CAMTA1: variants seen among roughly 807,000 people sequenced by gnomAD.
CAMTA1 encodes the protein calmodulin binding transcription activator 1, also known as calmodulin-binding transcription activator 1.
A neutral mutation model predicts 170.9 loss-of-function variants in CAMTA1; 27 were observed. The ratio of observed to expected loss-of-function variants is 0.16; its 90% confidence interval spans 0.12 to 0.22. CAMTA1 has a LOEUF of 0.22. Among genes scored for constraint, CAMTA1 ranks in the 10% least tolerant of loss-of-function variants. The pLI is 1.00. For missense variants in CAMTA1, 1,619 were observed against 2,217.2 expected, an observed-to-expected ratio of 0.73 and a Z score of 5.42; for synonymous variants, 833 against 891.5, an observed-to-expected ratio of 0.93 and a Z score of 1.17.
At chr1:6,946,765 G>A (rs1283540987) in intron 3 of CAMTA1, among the ~76,000 whole-genome samples, 1 of 151,564 alleles carries the variant, frequency 6.6e-6, no homozygotes, top group Non-Finnish European at 1.5e-5. Context: ...TCTATGGGTT[G>A]TCTTTTCACT....
intron 4 of CAMTA1, among the ~76,000 whole-genome samples, chr1:7,174,508 T>C (rs970909501): frequency 3.9e-5 from 6 of 152,244 alleles, no homozygotes; most frequent in Non-Finnish European, 7.3e-5. Flanking sequence ...GAAACAGCTC[T>C]GGCATGACTG....
intron 5 of CAMTA1, among the ~76,000 whole-genome samples, chr1:7,276,205 T>G (rs1179328568): frequency 7.3e-6 from 1 of 136,766 alleles, no homozygotes; most frequent in Non-Finnish European, 1.5e-5. Flanking sequence ...AAAAAAAACC[T>G]TTCAGCAAAC....
At chr1:7,554,576 T>C (rs545730769) in intron 6 of CAMTA1, among the ~76,000 whole-genome samples, 2 of 152,308 alleles carry the variant, frequency 1.3e-5, no homozygotes, top group African/African-American at 4.8e-5. Context: ...AGTAATTTGC[T>C]ATCCCTGCTC....
At chr1:7,678,126 C>T (rs775158670) in intron 11 of CAMTA1, among the ~76,000 whole-genome samples, 13 of 152,132 alleles carry the variant, frequency 8.5e-5, no homozygotes, top group Non-Finnish European at 1.6e-4. Flanking sequence ...TCCGCGGGCT[C>T]CTGGAAGCAA....
intron 3 of CAMTA1, among the ~76,000 whole-genome samples, chr1:7,011,939 A>G (rs947131088): frequency 1.4e-4 from 22 of 152,002 alleles, no homozygotes; most frequent in Middle Eastern, 3.4e-3. Flanking sequence ...CACTCCTCCA[A>G]TTTCCCCTGA....
intron 6 of CAMTA1, among the ~76,000 whole-genome samples, chr1:7,599,272 G>A (rs554540972): frequency 6.6e-6 from 1 of 152,282 alleles, no homozygotes; most frequent in African/African-American, 2.4e-5. Flanking sequence ...TTATTTCTGA[G>A]GGCTCTGTTC....
chr1:7,659,070 A>G (rs1377573854), intron 7 of CAMTA1, among the ~76,000 whole-genome samples: 1 of 152,212 alleles, frequency 6.6e-6, no homozygotes, highest in African/African-American at 2.4e-5. Context: ...GTGAAGATGC[A>G]GGAGGCAGAG....
intron 3 of CAMTA1, among the ~76,000 whole-genome samples, chr1:6,857,247 G>C (rs1367997065): frequency 6.6e-6 from 1 of 152,154 alleles, no homozygotes; most frequent in African/African-American, 2.4e-5. Context: ...GATGGGGTTT[G>C]GAAATAGAGT....
At chr1:7,714,640 G>C (rs939255612) in intron 11 of CAMTA1, among the ~76,000 whole-genome samples, 1 of 151,978 alleles carries the variant, frequency 6.6e-6, no homozygotes, top group African/African-American at 2.4e-5. Flanking sequence ...TCTTGCCTCA[G>C]CCTCCCGAGT....
At chr1:6,869,187 G>T (rs546673691) in intron 3 of CAMTA1, among the ~76,000 whole-genome samples, 1 of 152,284 alleles carries the variant, frequency 6.6e-6, no homozygotes, top group East Asian at 1.9e-4. Flanking sequence ...GAGGCTTCTG[G>T]AAGAGAGAGG....
At chr1:7,268,116 C>T (rs572015711) in intron 5 of CAMTA1, among the ~76,000 whole-genome samples, 1 of 152,276 alleles carries the variant, frequency 6.6e-6, no homozygotes, top group African/African-American at 2.4e-5. Context: ...GGCTTTCTGG[C>T]TGGAGGCATT....
At chr1:6,827,234 G>C (rs1388049934) in intron 3 of CAMTA1, among the ~76,000 whole-genome samples, 1 of 152,188 alleles carries the variant, frequency 6.6e-6, no homozygotes, top group Non-Finnish European at 1.5e-5. Context: ...AATCTAGGTA[G>C]AGGAGCGTAT....
chr1:7,277,778 T>TG (rs1183553907), intron 5 of CAMTA1, among the ~76,000 whole-genome samples: 1 of 151,738 alleles, frequency 6.6e-6, no homozygotes, highest in African/African-American at 2.4e-5. Flanking sequence ...CACACACTTT[T>TG]TTTTTTTACT....
At chr1:7,388,911 C>T (rs2088343978) in intron 5 of CAMTA1, among the ~76,000 whole-genome samples, 1 of 152,226 alleles carries the variant, frequency 6.6e-6, no homozygotes, top group Non-Finnish European at 1.5e-5. Context: ...ACTGCTGTGT[C>T]TGCCTGGGCT....
At chr1:7,398,154 G>GCTCTCTCTCTCTCT (rs371668581) in intron 5 of CAMTA1, among the ~76,000 whole-genome samples, 10 of 26,270 alleles carry the variant, frequency 3.8e-4, no homozygotes, top group African/African-American at 6.4e-4. Flanking sequence ...TAATAATATT[G>GCTCTCTCTCTCTCT]CTCTCTCTCT....
chr1:7,303,170 T>TCAAAAATCAATTGTCTG (rs1675046757), intron 5 of CAMTA1, among the ~76,000 whole-genome samples: 1 of 152,168 alleles, frequency 6.6e-6, no homozygotes, highest in Non-Finnish European at 1.5e-5. Context: ...ATAAGCACCG[T>TCAAAAATCAATTGTCTG]TATTATTACT....
chr1:7,270,812 C>G (rs1669686825), intron 5 of CAMTA1, among the ~76,000 whole-genome samples: 2 of 152,118 alleles, frequency 1.3e-5, no homozygotes, highest in Non-Finnish European at 2.9e-5. Flanking sequence ...AAGACCCTGT[C>G]TCAAAAACAA....
At chr1:6,852,075 T>A (rs1660611484) in intron 3 of CAMTA1, among the ~76,000 whole-genome samples, 1 of 150,112 alleles carries the variant, frequency 6.7e-6, no homozygotes, top group Non-Finnish European at 1.5e-5. Context: ...AGCAGTGAGA[T>A]TGACAGCTAA....
At chr1:7,053,259 C>T (rs929385113) in intron 3 of CAMTA1, among the ~76,000 whole-genome samples, 7 of 152,192 alleles carry the variant, frequency 4.6e-5, no homozygotes, top group Non-Finnish European at 8.8e-5. Context: ...TCAGTGTCTG[C>T]GTATGCTCCC....
Sources: gnomAD v4.1 joint callset for allele counts (sites outside exome capture counted in the v4.1 genomes callset) on GRCh38, gnomAD v4.1.1 for gene constraint, MANE v1.5 for transcripts, NCBI Gene and HGNC (gene_info 2026-07-23, HGNC 2026-07-21) for gene names.